The following OFD1 variants were observed in gnomAD, a reference collection of about 807,000 sequenced individuals.
OFD1 encodes centriole and centriolar satellite protein OFD1.
OFD1 carries 12 observed loss-of-function variants against 81.4 expected under a neutral mutation model. The ratio of observed to expected loss-of-function variants is 0.15; its 90% confidence interval spans 0.09 to 0.24. The LOEUF (loss-of-function observed/expected upper bound fraction) is 0.24. Ranked by LOEUF, OFD1 falls within the 10% of genes least tolerant of loss-of-function variation. The probability of loss-of-function intolerance (pLI) is 1.00; values close to 1 mark genes in which losing one functional copy is unlikely to be tolerated. For missense variants in OFD1, 685 were observed against 733.9 expected (o/e 0.93, Z 0.77); for synonymous variants, 256 against 263.7 (o/e 0.97, Z 0.28).
At chrX:13,768,582 C>T (rs946153123) in intron 21 of OFD1, 136 bp from the exon 22 acceptor site, 2 of 546,045 alleles carry the variant, frequency 3.7e-6, no homozygotes, top group African/African-American at 2.4e-5. Flanking sequence ...GATGTGCTTG[C>T]TAAATTTCAT....
the OFD1 span, among the ~76,000 whole-genome samples, chrX:13,726,286 G>A: frequency 1.8e-5 from 2 of 110,699 alleles, no homozygotes; most frequent in Non-Finnish European, 3.8e-5. Flanking sequence ...TCGAGAAGAG[G>A]AACCCCAAGA....
intron 6 of OFD1, among the ~76,000 whole-genome samples, chrX:13,744,796 CTGGGAGGTTCT>C (rs2047231314): frequency 8.9e-6 from 1 of 112,548 alleles, no homozygotes; most frequent in Non-Finnish European, 1.9e-5. Flanking sequence ...CTTCTCTTAA[CTGGGAGGTTCT>C]TCCTCGTGTC....
chrX:13,762,276 T>C (rs1199820001), intron 17 of OFD1, 68 bp from the exon 18 acceptor site: 1 of 715,054 alleles, frequency 1.4e-6, no homozygotes, highest in Non-Finnish European at 2.2e-6. Flanking sequence ...CACAAAAGGC[T>C]TTTTGTCACC....
At position 13,761,005 on chromosome X, in the gene OFD1, G is replaced by A. The variant is rs6527959; in HGVS notation, c.2261-80G>A. 0.29 allele frequency: 331,856 copies of A among 1,126,602 alleles called. 38,607 individuals carry two copies. Among genetic ancestry groups the A allele is most frequent in the Admixed American group, 0.61 (27,673 of 45,586 alleles). The allele number at this position is 1,126,602 out of a possible 1,213,427, so 92.8% of individuals were successfully genotyped here. ...AGGATAACAGTTTATTTTCAAACTA[G>A]TAGAGCTCTTTAGAAACCACGTTGG... is the stretch of plus-strand genomic sequence containing the variant. On this transcript the variant is annotated intron_variant, in intron 16 of 22. Transcript: ENST00000340096.
chrX:13,746,557 G>A, intron 7 of OFD1, 102 bp downstream of exon 7: 4 of 1,010,787 alleles, frequency 4.0e-6, no homozygotes, highest in Non-Finnish European at 4.2e-6. Context: ...TTTTAATAAC[G>A]AATGGGATAC....
At chrX:13,769,383 TGAG>T (rs2048258612), downstream of OFD1, 5 of 328,915 alleles carry the variant, frequency 1.5e-5, no homozygotes, top group Admixed American at 5.3e-5. Context: ...AATTTATAAA[TGAG>T]TATAACCTAT....
chrX:13,721,614 G>C, the OFD1 span: 4 of 111,955 alleles, frequency 3.6e-5, no homozygotes, highest in Non-Finnish European at 7.5e-5. Context: ...AATGAAATCA[G>C]AAGAAATCTG....
intron 5 of OFD1, among the ~76,000 whole-genome samples, chrX:13,743,792 A>G (rs1421361454): frequency 2.7e-5 from 3 of 110,300 alleles, no homozygotes; most frequent in Non-Finnish European, 3.8e-5. Context: ...ACTGATTTGT[A>G]AGAGTTCTTT....
chrX:13,754,413 C>CTTTT (rs869303506), intron 11 of OFD1, among the ~76,000 whole-genome samples: 1 of 90,250 alleles, frequency 1.1e-5, no homozygotes, highest in East Asian at 3.4e-4. Flanking sequence ...TGGCTACTGT[C>CTTTT]TTTTTTTTTT....
rs947500861 is a variant in OFD1 at position 13,761,113 on chromosome X, C to G, written c.2289C>G (p.Pro763=). 2 of 1,211,223 alleles carry G rather than the reference C, an allele frequency of 1.7e-6. No homozygotes were observed. Among genetic ancestry groups the G allele is most frequent in the Non-Finnish European group, 1.1e-6 (1 of 895,097 alleles). The stretch of plus-strand genomic sequence containing the variant: ...TGGGCAGATCACACATTGCTTCCCC[C>G]AGTCCTTGTCCTGACAGAATGCCCC... The part of the protein sequence containing the change: ...EGLGRSHIAS[P]SPCPDRMPLP... Residue 763 remains proline (P), a synonymous_variant, in exon 17 of 23, where the codon CCC becomes CCG. Transcript: ENST00000340096.
At chrX:13,767,405 A>T in intron 20 of OFD1, 121 bp downstream of exon 20, 6 of 681,397 alleles carry the variant, frequency 8.8e-6, no homozygotes, top group Non-Finnish European at 1.4e-5. Flanking sequence ...AGATGCCTTA[A>T]AAGGCATCCC....
At position 13,744,496 on chromosome X, in the gene OFD1, C is replaced by A; in HGVS notation, c.494C>A (p.Ser165Ter). 1 of 1,144,793 alleles carries A rather than the reference C, an allele frequency of 8.7e-7. No homozygotes were observed. Among genetic ancestry groups the A allele is most frequent in the Non-Finnish European group, 1.2e-6 (1 of 835,200 alleles). 94.3% of individuals were successfully genotyped at this position (1,144,793 alleles called of 1,213,427 possible). ...TGTAATATGGAAACTCAGACAAGTTCGACATTTAACAGAGATTCTCTGGGT... is the reference window on the plus strand; with the variant it reads ...TGTAATATGGAAACTCAGACAAGTTAGACATTTAACAGAGATTCTCTGGGT... ...ESCNMETQTS[S>*]TFNRDSLAEK... Residue 165 changes from serine (S) to a stop codon, truncating the protein, a stop_gained, in exon 6 of 23, where the codon TCG becomes TAG. Transcript: ENST00000340096. LOFTEE classifies it high-confidence loss of function.
intron 6 of OFD1, among the ~76,000 whole-genome samples, chrX:13,745,513 C>A (rs1200753344): frequency 1.8e-5 from 2 of 112,150 alleles, no homozygotes; most frequent in African/African-American, 6.5e-5. Context: ...TCAATGGCCC[C>A]ATGTGGCTGG....
chrX:13,770,226 A>G (rs894915170), downstream of OFD1, among the ~76,000 whole-genome samples: 5 of 112,241 alleles, frequency 4.5e-5, no homozygotes, highest in Non-Finnish European at 9.4e-5. Context: ...CTGGTGACTC[A>G]TGTGACTTAA....
In OFD1 at chrX:13,758,375, T is replaced by C; in HGVS notation, c.1581T>C (p.Gly527=). The change falls in exon 15 of 23, where the codon GGT becomes GGC. Residue 527 remains glycine, a synonymous_variant. Coordinates refer to ENST00000340096, the MANE Select transcript of OFD1 (RefSeq NM_003611.3). ...CACAGCTGAAGGCCCAGATTCTAGG[T>C]TACAAAGCTTCTGTAAAGAGTTTAA... ...HSAQLKAQIL[G]YKASVKSLTT... 1 of 1,208,194 alleles carries C rather than the reference T, an allele frequency of 8.3e-7. No individual in the cohort carries two copies. Among genetic ancestry groups the C allele is most frequent in the Non-Finnish European group, 1.1e-6 (1 of 892,575 alleles).
chrX:13,717,131 C>T, the OFD1 span, among the ~76,000 whole-genome samples: 4 of 103,999 alleles, frequency 3.8e-5, 1 homozygote, highest in African/African-American at 7.1e-5. Flanking sequence ...ACTGAGAGGG[C>T]GGGGCTTCCT....
At chrX:13,725,140 C>A in the OFD1 span, among the ~76,000 whole-genome samples, 1 of 113,163 alleles carries the variant, frequency 8.8e-6, no homozygotes, top group Non-Finnish European at 1.9e-5. Flanking sequence ...GCAAAGCCTA[C>A]TGCCTCTAGA....
chrX:13,720,863 A>C, the OFD1 span: 1 of 110,123 alleles, frequency 9.1e-6, no homozygotes, highest in African/African-American at 3.3e-5. Context: ...CCATCTCTAC[A>C]TGAAATACAA....
rs1260533364 is a variant in OFD1 at position 13,739,865 on chromosome X, G to C, written c.412+833G>C. 10 of 752,035 alleles carry C rather than the reference G, an allele frequency of 1.3e-5. No individual in the cohort carries two copies. In the Middle Eastern group the frequency reaches 2.2e-3, roughly 168 times the overall value. 62.0% of individuals were successfully genotyped at this position (752,035 alleles called of 1,213,427 possible). ...TTTCAGGCCATTGGTTAGACTTGAT[G>C]ATGGGCTTTGTAGCATGAACATAAG... On this transcript the variant is annotated intron_variant, in intron 5 of 22. Coordinates refer to ENST00000340096, the MANE Select transcript of OFD1 (RefSeq NM_003611.3).
Sources: gnomAD v4.1 joint callset for allele counts (sites outside exome capture counted in the v4.1 genomes callset) on GRCh38, gnomAD v4.1.1 for gene constraint, MANE v1.5 for transcripts, NCBI Gene and HGNC (gene_info 2026-07-23, HGNC 2026-07-21) for gene names.